The following HLA-DPA1 variants were observed in gnomAD, a reference collection of about 807,000 sequenced individuals.
The protein encoded by HLA-DPA1 is major histocompatibility complex, class II, DP alpha 1.
A neutral mutation model predicts 21.5 loss-of-function variants in HLA-DPA1; 20 were observed. That is an observed-to-expected ratio of 0.93 (90% CI 0.66 to 1.35). HLA-DPA1 has a LOEUF of 1.35. HLA-DPA1 is among the 40% of genes most tolerant of loss of function. HLA-DPA1 has a pLI of 0.00. For synonymous variants in HLA-DPA1, 123 were observed against 129.6 expected, an observed-to-expected ratio of 0.95 and a Z score of 0.35; for missense variants, 279 against 323.0, an observed-to-expected ratio of 0.86 and a Z score of 1.05.
chr6:33,068,782 C>T, exon 5 of HLA-DPA1: 2 of 1,613,004 alleles, frequency 1.2e-6, no homozygotes, highest in Non-Finnish European at 1.7e-6. Flanking sequence ...TTGTCTCAGG[C>T]ATCTGGATTG....
At chr6:33,069,914 G>C (rs773245131) in intron 2 of HLA-DPA1, 28 bp from the exon 2 acceptor site, 3 of 1,592,256 alleles carry the variant, frequency 1.9e-6, no homozygotes. Context: ...AGAAAAACAC[G>C]ACAAAATGTC....
Position 33,080,342 on chromosome 6 carries a change from C to T in HLA-DPA1, c.-100+338G>A, listed in dbSNP as rs41270518. 12,874 of 517,854 alleles carry T rather than the reference C, an allele frequency of 0.025. 267 individuals are homozygous for T. The highest frequency in any genetic ancestry group is 0.039 in the Non-Finnish European group (10,326 of 264,216). 32.1% of individuals were successfully genotyped at this position (517,854 alleles called of 1,614,324 possible). On this transcript the variant is annotated intron_variant, in intron 1 of 5. Coordinates refer to ENST00000419277, the Ensembl canonical transcript of HLA-DPA1. This position sits in a 1 kb window ranked among gnomAD's most constrained non-coding sequence, Gnocchi z 4.3. ...GCTCCTCCCGCCCCTGTTTTTTCTC[C>T]CAGTGACCCCACGTGAAACGTCTCC...
chr6:33,070,245 A>T (rs1762212252), intron 2 of HLA-DPA1, among the ~76,000 whole-genome samples: 1 of 134,456 alleles, frequency 7.4e-6, no homozygotes, highest in Non-Finnish European at 1.5e-5. Context: ...AATACTTTAC[A>T]TATTTCACTC....
At chr6:33,073,207 T>C (rs562171492) in intron 2 of HLA-DPA1, among the ~76,000 whole-genome samples, 1 of 152,342 alleles carries the variant, frequency 6.6e-6, no homozygotes, top group East Asian at 1.9e-4. Context: ...AAATAATTTC[T>C]AAATAAAAGG....
At chr6:33,079,814 G>A in intron 1 of HLA-DPA1, 1 of 455,970 alleles carries the variant, frequency 2.2e-6, no homozygotes, top group Non-Finnish European at 4.3e-6. Flanking sequence ...CCGGCCATCA[G>A]AGTCACCAAC....
chr6:33,069,879 A>C (rs779490598), exon 3 of HLA-DPA1: 33 of 1,609,354 alleles, frequency 2.1e-5, no homozygotes, highest in African/African-American at 2.7e-5. Flanking sequence ...AAGTTGACAC[A>C]TGGTCCGCTG....
chr6:33,073,704 G>T, intron 1 of HLA-DPA1, 55 bp from the exon 1 acceptor site: 1 of 638,090 alleles, frequency 1.6e-6, no homozygotes, highest in Non-Finnish European at 2.8e-6. Flanking sequence ...GCATGGCTGG[G>T]ATTCACCTAT....
At chr6:33,073,551 A>G (rs1762391155) in exon 2 of HLA-DPA1, 2 of 1,612,392 alleles carry the variant, frequency 1.2e-6, no homozygotes, top group African/African-American at 1.3e-5. Flanking sequence ...GATATGGAAC[A>G]TTCTGTCTTC....
intron 5 of HLA-DPA1, 160 bp downstream of exon 4, chr6:33,068,478 G>C (rs940238779): frequency 6.8e-6 from 4 of 590,978 alleles, no homozygotes; most frequent in Non-Finnish European, 1.2e-5. Context: ...TCAGAATAGC[G>C]CCTGACCATA....
chr6:33,069,415 TCA>T (rs1386038375), intron 3 of HLA-DPA1, 115 bp from the exon 3 acceptor site: 2 of 1,127,966 alleles, frequency 1.8e-6, no homozygotes, highest in Admixed American at 2.2e-5. Flanking sequence ...CAGCTCTGAA[TCA>T]CAGAGAGGGG....
intron 3 of HLA-DPA1, 165 bp downstream of exon 2, chr6:33,069,476 G>T: frequency 9.4e-7 from 1 of 1,064,298 alleles, no homozygotes; most frequent in Non-Finnish European, 1.4e-6. Flanking sequence ...TCTCTCCTGA[G>T]AAGAGAGGAT....
In HLA-DPA1 at chr6:33,068,822, A is replaced by C. The variant is rs760782956; in HGVS notation, c.629-18T>G. On this transcript the variant is annotated intron_variant, in intron 4 of 5. Transcript: ENST00000419277. ...TTGGGCCTCTGGGGGAAGAATGAAG[A>C]GATAGGGTCAGGAGGTGCAGTGAGG... The C allele has an allele frequency of 6.2e-7, 1 of 1,612,206 alleles. No homozygotes were observed. Among genetic ancestry groups the C allele is most frequent in the East Asian group, 2.2e-5 (1 of 44,846 alleles).
chr6:33,069,436 C>T, intron 3 of HLA-DPA1, 136 bp from the exon 3 acceptor site: 2 of 1,046,744 alleles, frequency 1.9e-6, no homozygotes, highest in Non-Finnish European at 2.8e-6. Context: ...GGTATCACAC[C>T]ACTGACCAGC....
At chr6:33,076,043 T>C (rs1167784257) in intron 1 of HLA-DPA1, 3 of 1,610,990 alleles carry the variant, frequency 1.9e-6, no homozygotes, top group Non-Finnish European at 2.5e-6. Flanking sequence ...TCCAGCTCCA[T>C]GATGGTTCTG....
intron 1 of HLA-DPA1, among the ~76,000 whole-genome samples, chr6:33,074,153 A>G (rs1017526861): frequency 1.3e-5 from 2 of 152,068 alleles, no homozygotes; most frequent in Admixed American, 6.6e-5. Flanking sequence ...ATTTCTATTT[A>G]GAGGTTTTAA....
chr6:33,072,361 G>A (rs4582419), intron 2 of HLA-DPA1, among the ~76,000 whole-genome samples: 14,044 of 152,160 alleles, frequency 0.092, 1,566 homozygotes, highest in East Asian at 0.56. Flanking sequence ...TTATCAGTTG[G>A]TTTGCACTTA....
chr6:33,078,992 G>A (rs1415392780), intron 1 of HLA-DPA1, among the ~76,000 whole-genome samples: 1 of 152,174 alleles, frequency 6.6e-6, no homozygotes, highest in Non-Finnish European at 1.5e-5. Flanking sequence ...GGCACCAGGA[G>A]AAGAGGCAGG....
exon 5 of HLA-DPA1, chr6:33,068,797 T>A: frequency 6.2e-7 from 1 of 1,612,860 alleles, no homozygotes; most frequent in Non-Finnish European, 8.5e-7. Context: ...GGATTGGCTC[T>A]TGGGCCTCTG....
chr6:33,074,090 C>T (rs1296809881), intron 1 of HLA-DPA1, among the ~76,000 whole-genome samples: 5 of 152,234 alleles, frequency 3.3e-5, no homozygotes, highest in East Asian at 1.9e-4. Flanking sequence ...CTTTCAGGTC[C>T]ACCTCCCTGA....
Sources: gnomAD v4.1 joint callset for allele counts (sites outside exome capture counted in the v4.1 genomes callset) on GRCh38, gnomAD v4.1.1 for gene constraint, Gnocchi (gnomAD v3.1) non-coding constraint, MANE v1.5 for transcripts, NCBI Gene and HGNC (gene_info 2026-07-23, HGNC 2026-07-21) for gene names.